LMX1B: variants seen among roughly 807,000 people sequenced by gnomAD.
The protein encoded by LMX1B is LIM homeobox transcription factor 1 beta.
In LMX1B, 12 loss-of-function variants were observed where a neutral mutation model predicts 51.4. The observed-to-expected ratio is 0.23, with a 90% CI of 0.15 to 0.38. LMX1B has a LOEUF of 0.38. Among genes scored for constraint, LMX1B ranks in the 10% least tolerant of loss-of-function variants. The probability of loss-of-function intolerance (pLI) is 1.00; values close to 1 mark genes in which losing one functional copy is unlikely to be tolerated. For missense variants in LMX1B, 445 were observed against 571.1 expected (o/e 0.78, Z 2.25); for synonymous variants, 237 against 235.4 (o/e 1.01, Z -0.06).
chr9:126,695,375 C>G lies in LMX1B; in HGVS notation c.887-464C>G, dbSNP rs1290449784. Reference sequence around the variant, plus strand: ...GCTGCACCCTCACTTACCCGGCGGTCTGTCTCCTCCATGCCTTTGCCGCCC... The same window carrying G: ...GCTGCACCCTCACTTACCCGGCGGTGTGTCTCCTCCATGCCTTTGCCGCCC... On this transcript the variant is annotated intron_variant, in intron 6 of 7. Transcript: ENST00000373474. This position sits in a 1 kb window ranked among gnomAD's most constrained non-coding sequence, Gnocchi z 5.2. 6.6e-6 allele frequency among the ~76,000 whole-genome samples: 1 copy of G among 152,212 alleles called. No homozygotes were observed. The highest frequency in any genetic ancestry group is 1.5e-5 in the Non-Finnish European group (1 of 68,042).
Position 126,615,465 on chromosome 9 carries a change from G to A in LMX1B, c.222G>A (p.Ser74=). The A allele has an allele frequency of 3.7e-6, 6 of 1,610,550 alleles. No homozygotes were observed. Among genetic ancestry groups the A allele is most frequent in the Non-Finnish European group, 5.1e-6 (6 of 1,178,440 alleles). The change falls in exon 2 of 8, where the codon TCG becomes TCA. Residue 74 remains serine (S), a synonymous_variant. Transcript: ENST00000373474. This position sits in a 1 kb window ranked among gnomAD's most constrained non-coding sequence, Gnocchi z 6.0. The part of the protein sequence containing the change: ...SDRFLMRVNE[S]SWHEECLQCA... ...GCTTCCTGATGCGAGTCAACGAGTC[G>A]TCCTGGCACGAGGAGTGTTTGCAGT...
rs1835815182 is a variant in LMX1B at position 126,641,871 on chromosome 9, G to A, written c.326+26302G>A. Among the ~76,000 whole-genome samples, 1 of 152,246 alleles carries A rather than the reference G, an allele frequency of 6.6e-6. No homozygotes were observed. Among genetic ancestry groups the A allele is most frequent in the South Asian group, 2.1e-4 (1 of 4,818 alleles). On this transcript the variant is annotated intron_variant, in intron 2 of 7. Transcript: ENST00000373474. The surrounding 1 kb of genome is among the most constrained non-coding windows in gnomAD (Gnocchi z 4.1). ...ACAGCTGATGTGCCCCCATCCCAGCGAGGCCCTGGGCAGAGCACTTCACCC... is the reference window on the plus strand; with the variant it reads ...ACAGCTGATGTGCCCCCATCCCAGCAAGGCCCTGGGCAGAGCACTTCACCC...
chr9:126,617,919 G>C lies in LMX1B; in HGVS notation c.326+2350G>C, dbSNP rs1010426168. ...GCAGGATGTGCTGGGGGTGGGGGGT[G>C]GGGGGTGGGGTGATTGTTATCAGGA... On this transcript the variant is annotated intron_variant, in intron 2 of 7. Transcript: ENST00000373474. 2.4e-4 allele frequency among the ~76,000 whole-genome samples: 25 copies of C among 102,334 alleles called. No individual in the cohort carries two copies. The South Asian group carries it at 3.9e-3, about 16-fold the overall frequency. The allele number at this position is 102,334 out of a possible 152,430, so 67.1% of individuals were successfully genotyped here.
intron 7 of LMX1B, 88 bp from the exon 8 acceptor site, chr9:126,696,206 C>T: frequency 7.4e-7 from 1 of 1,353,354 alleles, no homozygotes; most frequent in South Asian, 1.2e-5. Flanking sequence ...CTCTCCCTGG[C>T]CTCCAGTCAC....
At position 126,700,211 on chromosome 9, in the gene LMX1B, G is replaced by A; in HGVS notation, c.*3760G>A. The A allele has an allele frequency of 1.3e-5, 2 of 152,272 alleles. No individual in the cohort carries two copies. Among genetic ancestry groups the A allele is most frequent in the East Asian group, 3.9e-4 (2 of 5,180 alleles). The allele number at this position is 152,272 out of a possible 1,614,324, so 9.4% of individuals were successfully genotyped here. ...CACTGCTCACAAGAGTCAGACCAAG[G>A]TGCCAGCACAGCCTGGAAAGAGCTC... is the stretch of plus-strand genomic sequence containing the variant. On this transcript the variant is annotated 3_prime_UTR_variant, in exon 8 of 8. Coordinates refer to ENST00000373474, the MANE Select transcript of LMX1B (RefSeq NM_001174147.2).
chr9:126,631,754 T>C (rs1192758552), intron 2 of LMX1B, among the ~76,000 whole-genome samples: 1 of 152,206 alleles, frequency 6.6e-6, no homozygotes, highest in Non-Finnish European at 1.5e-5. Context: ...CTTCCCGCTG[T>C]GTGACCTTAG....
At chr9:126,688,346 G>T (rs2029986028) in intron 2 of LMX1B, among the ~76,000 whole-genome samples, 1 of 152,212 alleles carries the variant, frequency 6.6e-6, no homozygotes, top group South Asian at 2.1e-4. Flanking sequence ...GCCTAAGAAG[G>T]TTTCCTCTCC....
Position 126,647,763 on chromosome 9 carries a change from C to T in LMX1B, c.326+32194C>T, listed in dbSNP as rs139603825. Reference sequence around the variant, plus strand: ...TGAGGTTACTAGCTTCTTGGGGAAGCCCAGGGATGTTAGCGCAACACCAGG... The same window carrying T: ...TGAGGTTACTAGCTTCTTGGGGAAGTCCAGGGATGTTAGCGCAACACCAGG... On this transcript the variant is annotated intron_variant, in intron 2 of 7. Transcript: ENST00000373474. 5.1e-4 allele frequency among the ~76,000 whole-genome samples: 77 copies of T among 152,342 alleles called. 1 individual carries two copies. The highest frequency in any genetic ancestry group is 6.8e-3 in the Middle Eastern group (2 of 294).
At chr9:126,692,264 A>AG (rs1313842487) in intron 3 of LMX1B, among the ~76,000 whole-genome samples, 1 of 152,130 alleles carries the variant, frequency 6.6e-6, no homozygotes, top group East Asian at 1.9e-4. Flanking sequence ...GCCCCAGCAG[A>AG]GGGGGTCTCA....
chr9:126,660,950 G>C (rs574007420), intron 2 of LMX1B, among the ~76,000 whole-genome samples: 2 of 152,322 alleles, frequency 1.3e-5, no homozygotes, highest in East Asian at 3.9e-4. Context: ...GTCAGAACAG[G>C]AGTGCTCAAC....
intron 2 of LMX1B, among the ~76,000 whole-genome samples, chr9:126,644,367 G>C (rs551328907): frequency 6.6e-6 from 1 of 152,266 alleles, no homozygotes; most frequent in South Asian, 2.1e-4. Flanking sequence ...AGCTTTAATG[G>C]CCAGCAGAGG....
intron 2 of LMX1B, among the ~76,000 whole-genome samples, chr9:126,678,648 A>G (rs1211541291): frequency 6.6e-6 from 1 of 152,236 alleles, no homozygotes; most frequent in Non-Finnish European, 1.5e-5. Context: ...CATACAAAAT[A>G]TAACTGACAA....
intron 2 of LMX1B, among the ~76,000 whole-genome samples, chr9:126,649,663 TC>T (rs199924389): frequency 6.6e-6 from 1 of 152,154 alleles, no homozygotes. Flanking sequence ...TCTTGCTCTG[TC>T]CCCCAGGCTG....
chr9:126,621,681 T>G (rs1320303440), intron 2 of LMX1B, among the ~76,000 whole-genome samples: 2 of 76,156 alleles, frequency 2.6e-5, no homozygotes, highest in African/African-American at 3.6e-5. Flanking sequence ...TTTTTTTTTT[T>G]GCAGTAAATG....
chr9:126,642,842 G>A (rs1410869910), intron 2 of LMX1B, among the ~76,000 whole-genome samples: 6 of 152,174 alleles, frequency 3.9e-5, no homozygotes, highest in South Asian at 2.1e-4. Context: ...CTGAAACCCC[G>A]TCAGCCCTGG....
At chr9:126,622,344 G>T (rs752460786) in intron 2 of LMX1B, among the ~76,000 whole-genome samples, 1 of 152,180 alleles carries the variant, frequency 6.6e-6, no homozygotes, top group African/African-American at 2.4e-5. Context: ...AGGCTTCCCC[G>T]GGAACTGTGG....
chr9:126,693,333 G>A lies in LMX1B; in HGVS notation c.741+10G>A, dbSNP rs565143893. On this transcript the variant is annotated intron_variant, in intron 4 of 7. Transcript: ENST00000373474. ...GAAGCCTTGCCGAAAGGTGAGGGGC[G>A]GCCGGGGGGCGGGGCTCAGGCTGAT... 67 of 1,585,478 alleles carry A rather than the reference G, an allele frequency of 4.2e-5. No individual in the cohort carries two copies. Among genetic ancestry groups the A allele is most frequent in the Admixed American group, 2.2e-4 (12 of 55,584 alleles).
intron 2 of LMX1B, among the ~76,000 whole-genome samples, chr9:126,651,539 CT>C (rs1387081557): frequency 1.3e-4 from 20 of 152,206 alleles, no homozygotes; most frequent in African/African-American, 4.8e-4. Context: ...TTCTCCCCCC[CT>C]CCCAACAACA....
chr9:126,682,097 T>A (rs1418888663), intron 2 of LMX1B, among the ~76,000 whole-genome samples: 1 of 139,812 alleles, frequency 7.2e-6, no homozygotes, highest in Non-Finnish European at 1.5e-5. Context: ...TTTTTTTTTT[T>A]TTTTTTTTTT....
Sources: gnomAD v4.1 joint callset for allele counts (sites outside exome capture counted in the v4.1 genomes callset) on GRCh38, gnomAD v4.1.1 for gene constraint, Gnocchi (gnomAD v3.1) non-coding constraint, MANE v1.5 for transcripts, NCBI Gene and HGNC (gene_info 2026-07-23, HGNC 2026-07-21) for gene names.